The following SMARCAL1 variants were observed in gnomAD, a reference collection of about 807,000 sequenced individuals.
The protein encoded by SMARCAL1 is SNF2 related chromatin remodeling annealing helicase 1.
In SMARCAL1, 58 loss-of-function variants were observed where a neutral mutation model predicts 94.5. The observed-to-expected ratio is 0.61, with a 90% confidence interval of 0.50 to 0.76. The LOEUF is 0.76. Among genes scored for constraint, SMARCAL1 ranks in the 30% least tolerant of loss-of-function variants. The pLI is 0.00. For synonymous variants in SMARCAL1, 422 were observed against 455.1 expected, an observed-to-expected ratio of 0.93 and a Z score of 0.93; for missense variants, 1,051 against 1,177.9, an observed-to-expected ratio of 0.89 and a Z score of 1.58.
intron 12 of SMARCAL1, among the ~76,000 whole-genome samples, chr2:216,459,381 A>G (rs556075817): frequency 7.9e-5 from 12 of 152,352 alleles, no homozygotes; most frequent in African/African-American, 1.4e-4. Context: ...TGCCAAGTCA[A>G]TCCTAAGCCA....
Position 216,475,522 on chromosome 2 carries a change from G to C in SMARCAL1, c.2427+71G>C. On this transcript the variant is annotated intron_variant, in intron 15 of 17. Coordinates refer to ENST00000357276, the MANE Select transcript of SMARCAL1 (RefSeq NM_014140.4). The surrounding 1 kb of genome is among the most constrained non-coding windows in gnomAD (Gnocchi z 4.4). ...CTGTGGGCAGGAAGCAGTGAGTGTC[G>C]GTCGGGGAAAGTGTGGTTTCCCTTT... The C allele has an allele frequency of 6.6e-7, 1 of 1,514,306 alleles. No homozygotes were observed. The highest frequency in any genetic ancestry group is 1.7e-5 in the Admixed American group (1 of 59,778). The allele number at this position is 1,514,306 out of a possible 1,614,324, so 93.8% of individuals were successfully genotyped here.
intron 8 of SMARCAL1, among the ~76,000 whole-genome samples, chr2:216,433,897 T>A (rs673186): frequency 6.7e-6 from 1 of 150,084 alleles, no homozygotes; most frequent in Non-Finnish European, 1.5e-5. Context: ...AAGGCCCAGA[T>A]GTGCTATTCT....
chr2:216,456,474 C>A (rs1201028008), intron 12 of SMARCAL1, among the ~76,000 whole-genome samples: 3 of 152,166 alleles, frequency 2.0e-5, no homozygotes, highest in African/African-American at 7.2e-5. Flanking sequence ...AAAGGGAAGC[C>A]CATCAGACTA....
chr2:216,439,328 G>A (rs866812272), intron 10 of SMARCAL1, among the ~76,000 whole-genome samples: 3 of 124,360 alleles, frequency 2.4e-5, no homozygotes, highest in South Asian at 3.1e-4. Flanking sequence ...CCATTATGGG[G>A]GGGGGGGATG....
intron 12 of SMARCAL1, among the ~76,000 whole-genome samples, chr2:216,462,471 C>T (rs1209992110): frequency 1.3e-5 from 2 of 152,132 alleles, no homozygotes; most frequent in Non-Finnish European, 2.9e-5. Context: ...GTTAGACGTC[C>T]ATGAATGGAT....
chr2:216,442,019 A>G (rs1694207673), intron 10 of SMARCAL1, among the ~76,000 whole-genome samples: 1 of 152,210 alleles, frequency 6.6e-6, no homozygotes, highest in Non-Finnish European at 1.5e-5. Context: ...GTAAGTAGAG[A>G]GTACTTTTTA....
At chr2:216,420,936 G>A (rs899955919) in intron 5 of SMARCAL1, among the ~76,000 whole-genome samples, 1 of 152,214 alleles carries the variant, frequency 6.6e-6, no homozygotes, top group Non-Finnish European at 1.5e-5. Flanking sequence ...GGAACTGCCT[G>A]CAGGGGTTGT....
chr2:216,415,860 C>T (rs749830263), intron 3 of SMARCAL1: 2 of 379,582 alleles, frequency 5.3e-6, no homozygotes, highest in African/African-American at 2.1e-5. Flanking sequence ...TGGAACTGGC[C>T]CAGCAAGATT....
chr2:216,454,566 A>G (rs986472667), intron 12 of SMARCAL1, among the ~76,000 whole-genome samples: 1 of 152,194 alleles, frequency 6.6e-6, no homozygotes, highest in African/African-American at 2.4e-5. Context: ...TAATCTGCAC[A>G]GTGGTAAAGT....
chr2:216,452,358 T>A (rs1179320003), intron 12 of SMARCAL1, among the ~76,000 whole-genome samples: 2 of 152,218 alleles, frequency 1.3e-5, no homozygotes, highest in Non-Finnish European at 2.9e-5. Flanking sequence ...TTTTTCTTAA[T>A]AACTTTCGTC....
intron 12 of SMARCAL1, among the ~76,000 whole-genome samples, chr2:216,463,134 T>C (rs918826535): frequency 3.6e-4 from 55 of 152,194 alleles, no homozygotes; most frequent in African/African-American, 1.3e-3. Flanking sequence ...ATAGATGTTA[T>C]TGCTGTTGAA....
intron 10 of SMARCAL1, among the ~76,000 whole-genome samples, chr2:216,439,101 C>T (rs1351334863): frequency 6.6e-6 from 1 of 152,120 alleles, no homozygotes; most frequent in Non-Finnish European, 1.5e-5. Context: ...GGCAGCCATC[C>T]CCCTTCCTCC....
intron 15 of SMARCAL1, 149 bp from the exon 16 acceptor site, chr2:216,476,960 A>G (rs1185224740): frequency 2.9e-6 from 2 of 700,242 alleles, no homozygotes; most frequent in Admixed American, 2.0e-5. Context: ...GGTAAAGTGC[A>G]GGTTATTTCT....
At chr2:216,425,633 A>G (rs1413745830) in intron 6 of SMARCAL1, among the ~76,000 whole-genome samples, 1 of 152,184 alleles carries the variant, frequency 6.6e-6, no homozygotes, top group Non-Finnish European at 1.5e-5. Flanking sequence ...GTCCAAGAAG[A>G]ATGAGGTTAC....
chr2:216,446,682 G>C (rs777652970), intron 10 of SMARCAL1: 1 of 488,134 alleles, frequency 2.0e-6, no homozygotes, highest in African/African-American at 1.9e-5. Flanking sequence ...ACATTTATTG[G>C]TTACTTGGCG....
At chr2:216,420,917 AGCCTGCAGGGAACT>A (rs1160016875) in intron 5 of SMARCAL1, among the ~76,000 whole-genome samples, 1 of 152,206 alleles carries the variant, frequency 6.6e-6, no homozygotes, top group Non-Finnish European at 1.5e-5. Context: ...TTCAAACTTG[AGCCTGCAGGGAACT>A]GCCTGCAGGG....
chr2:216,451,106 T>A, intron 12 of SMARCAL1, 42 bp downstream of exon 12: 1 of 1,518,018 alleles, frequency 6.6e-7, no homozygotes, highest in Non-Finnish European at 9.1e-7. Flanking sequence ...CAGACATGTC[T>A]AGGTGTTCCT....
chr2:216,423,741 C>A, intron 6 of SMARCAL1, 58 bp downstream of exon 6: 2 of 1,434,432 alleles, frequency 1.4e-6, no homozygotes, highest in Non-Finnish European at 2.0e-6. Flanking sequence ...TAATAATTCA[C>A]CTTAAATTTG....
intron 14 of SMARCAL1, among the ~76,000 whole-genome samples, chr2:216,474,337 G>T (rs1173139854): frequency 1.0e-4 from 15 of 146,814 alleles, no homozygotes; most frequent in Non-Finnish European, 1.7e-4. Flanking sequence ...GCGGGGTTCC[G>T]CCATGTTGGC....
Sources: gnomAD v4.1 joint callset for allele counts (sites outside exome capture counted in the v4.1 genomes callset) on GRCh38, gnomAD v4.1.1 for gene constraint, Gnocchi (gnomAD v3.1) non-coding constraint, MANE v1.5 for transcripts, NCBI Gene and HGNC (gene_info 2026-07-23, HGNC 2026-07-21) for gene names.